The following RAD51B variants were observed in gnomAD, a reference collection of about 807,000 sequenced individuals.
RAD51B encodes DNA repair protein RAD51 homolog 2.
RAD51B carries 38 observed loss-of-function variants against 42.2 expected under a neutral mutation model. The ratio of observed to expected loss-of-function variants is 0.90; its 90% CI spans 0.70 to 1.18. RAD51B has a LOEUF of 1.18. Ranked by LOEUF, RAD51B falls within the 50% of genes most tolerant of loss-of-function variation. The pLI is 0.00. For missense variants in RAD51B, 373 were observed against 400.7 expected, an observed-to-expected ratio of 0.93 and a Z score of 0.59; for synonymous variants, 154 against 145.2, an observed-to-expected ratio of 1.06 and a Z score of -0.43.
intron 11 of RAD51B, among the ~76,000 whole-genome samples, chr14:68,656,902 A>G (rs914843537): frequency 2.6e-5 from 4 of 152,254 alleles, no homozygotes; most frequent in African/African-American, 4.8e-5. Flanking sequence ...CTTTGAGGAT[A>G]GACAGGGAGA....
In RAD51B at chr14:68,301,236, C is replaced by T. The variant is rs142608276; in HGVS notation, c.853+9256C>T. The stretch of plus-strand genomic sequence containing the variant: ...TAGAGGATGAAAGAAATCCAGTGGA[C>T]AGGTTTAAGGAGACAAATGTTTTTT... On this transcript the variant is annotated intron_variant, in intron 8 of 10. Coordinates refer to ENST00000471583, the MANE Select transcript of RAD51B (RefSeq NM_133510.4). Among the ~76,000 whole-genome samples the T allele has an allele frequency of 6.1e-3, 933 of 152,082 alleles. 4 individuals carry two copies. Among genetic ancestry groups the T allele is most frequent in the Non-Finnish European group, 0.01 (684 of 68,010 alleles).
At chr14:68,104,881 A>T (rs902241474) in intron 7 of RAD51B, among the ~76,000 whole-genome samples, 1 of 152,142 alleles carries the variant, frequency 6.6e-6, no homozygotes, top group African/African-American at 2.4e-5. Context: ...CAACTGAGGA[A>T]ATCAAATGCA....
At chr14:68,545,663 C>T (rs1318334476) in intron 10 of RAD51B, 1 of 455,138 alleles carries the variant, frequency 2.2e-6, no homozygotes. Context: ...GACACCTATC[C>T]ATCATTCGCT....
chr14:68,255,810 AT>A (rs375815929), intron 7 of RAD51B, among the ~76,000 whole-genome samples: 23 of 152,232 alleles, frequency 1.5e-4, no homozygotes, highest in African/African-American at 5.3e-4. Flanking sequence ...GGATGATGCC[AT>A]TTTTCTACAC....
chr14:67,979,691 T>C (rs2075056426), intron 7 of RAD51B, among the ~76,000 whole-genome samples: 1 of 152,188 alleles, frequency 6.6e-6, no homozygotes, highest in Non-Finnish European at 1.5e-5. Context: ...TCTACTATTA[T>C]TATTTTCATG....
chr14:67,869,516 G>A (rs1255130382), intron 5 of RAD51B, among the ~76,000 whole-genome samples: 1 of 152,156 alleles, frequency 6.6e-6, no homozygotes, highest in Non-Finnish European at 1.5e-5. Context: ...CACTCTGCAG[G>A]ATATTATCCA....
In RAD51B at chr14:68,415,738, G is replaced by A. The variant is rs528573981; in HGVS notation, c.957+4211G>A. On this transcript the variant is annotated intron_variant, in intron 9 of 10. Coordinates refer to ENST00000471583, the MANE Select transcript of RAD51B (RefSeq NM_133510.4). ...GCGAGGGCTGGAAAAGCTAGAGTAA[G>A]GCTGGTTATACTTGAAAGAAGGAAG... 2.6e-5 allele frequency among the ~76,000 whole-genome samples: 4 copies of A among 152,294 alleles called. 1 individual carries two copies. The South Asian group carries it at 6.2e-4, about 24-fold the overall frequency.
intron 7 of RAD51B, among the ~76,000 whole-genome samples, chr14:68,094,102 G>C (rs2077150964): frequency 6.6e-6 from 1 of 152,144 alleles, no homozygotes; most frequent in Non-Finnish European, 1.5e-5. Context: ...ATGAAATTGA[G>C]TACCTCTTTA....
At chr14:68,482,477 G>A (rs1279448071), downstream of RAD51B, among the ~76,000 whole-genome samples, 2 of 152,162 alleles carry the variant, frequency 1.3e-5, no homozygotes, top group African/African-American at 2.4e-5. Context: ...TGGAAAGGGA[G>A]GATAAGGATT....
chr14:68,168,441 G>A (rs1360971639), intron 7 of RAD51B, among the ~76,000 whole-genome samples: 1 of 152,114 alleles, frequency 6.6e-6, no homozygotes, highest in Non-Finnish European at 1.5e-5. Flanking sequence ...ATAGATCTTA[G>A]ATATAAATTC....
downstream of RAD51B, among the ~76,000 whole-genome samples, chr14:68,600,690 A>G (rs1311190121): frequency 2.0e-5 from 3 of 152,140 alleles, no homozygotes; most frequent in African/African-American, 4.8e-5. Flanking sequence ...ATACCCTTTA[A>G]TCATGCCTTA....
intron 7 of RAD51B, among the ~76,000 whole-genome samples, chr14:67,898,447 AG>A (rs750497580): frequency 7.0e-4 from 106 of 152,270 alleles, no homozygotes; most frequent in Non-Finnish European, 1.2e-3. Flanking sequence ...GGAAACAGGG[AG>A]GTATTGGTGA....
chr14:67,853,539 A>G (rs772406195), intron 4 of RAD51B, among the ~76,000 whole-genome samples: 2 of 152,232 alleles, frequency 1.3e-5, no homozygotes, highest in African/African-American at 2.4e-5. Flanking sequence ...ATGAAGCAGT[A>G]GAGAACTAAT....
chr14:68,682,073 C>G (rs1893443302), intron 11 of RAD51B, among the ~76,000 whole-genome samples: 1 of 152,136 alleles, frequency 6.6e-6, no homozygotes, highest in Non-Finnish European at 1.5e-5. Flanking sequence ...AAAAGAATTC[C>G]CACCGTGCCT....
intron 7 of RAD51B, among the ~76,000 whole-genome samples, chr14:68,101,652 G>T (rs1301356127): frequency 6.6e-6 from 1 of 152,250 alleles, no homozygotes. Context: ...CTCCACCCCT[G>T]TGGCTTTACA....
intron 7 of RAD51B, among the ~76,000 whole-genome samples, chr14:68,127,154 A>G (rs191761872): frequency 5.3e-4 from 81 of 152,004 alleles, no homozygotes; most frequent in Middle Eastern, 3.4e-3. Context: ...CTCTCTCCCT[A>G]TTTATCATGG....
At chr14:67,819,893 T>A (rs1291867555) in intron 1 of RAD51B, 40 bp downstream of exon 1, 1 of 152,136 alleles carries the variant, frequency 6.6e-6, no homozygotes, top group Non-Finnish European at 1.5e-5. Context: ...TGTGGGGAAG[T>A]GGGGTTCGCT....
rs563338745 is a variant in RAD51B at position 68,400,897 on chromosome 14, A to AT, written c.854-10517dup. 4.1e-3 allele frequency among the ~76,000 whole-genome samples: 613 copies of AT among 150,728 alleles called. 4 individuals are homozygous for AT. Among genetic ancestry groups the AT allele is most frequent in the African/African-American group, 0.012 (512 of 41,122 alleles). On this transcript the variant is annotated intron_variant, in intron 8 of 10. Transcript: ENST00000471583. ...ATTTCACTACAAGTCACCATTCAGG[A>AT]TTTTTTTTTTCCTTTCCTTAAGTAG...
chr14:67,951,313 T>C (rs2074441007), intron 7 of RAD51B, among the ~76,000 whole-genome samples: 1 of 152,212 alleles, frequency 6.6e-6, no homozygotes, highest in South Asian at 2.1e-4. Context: ...AATAATAATA[T>C]CATTTTATTG....
Sources: gnomAD v4.1 joint callset for allele counts (sites outside exome capture counted in the v4.1 genomes callset) on GRCh38, gnomAD v4.1.1 for gene constraint, MANE v1.5 for transcripts, NCBI Gene and HGNC (gene_info 2026-07-23, HGNC 2026-07-21) for gene names.